The following DPY19L1 variants were observed in gnomAD, a reference collection of about 807,000 sequenced individuals.
DPY19L1 encodes the protein protein C-mannosyl-transferase DPY19L1.
In DPY19L1, 35 loss-of-function variants were observed where a neutral mutation model predicts 96.9. That is an observed-to-expected ratio of 0.36 (90% confidence interval 0.28 to 0.48). The LOEUF is 0.48. Among genes scored for constraint, DPY19L1 ranks in the 20% least tolerant of loss-of-function variants. The pLI is 0.99. For missense variants in DPY19L1, 521 were observed against 777.9 expected, an observed-to-expected ratio of 0.67 and a Z score of 3.93; for synonymous variants, 205 against 252.6, an observed-to-expected ratio of 0.81 and a Z score of 1.79.
intron 6 of DPY19L1, among the ~76,000 whole-genome samples, chr7:35,009,836 G>A (rs952870045): frequency 3.3e-5 from 5 of 151,936 alleles, no homozygotes; most frequent in African/African-American, 4.8e-5. Context: ...ACGTATACAC[G>A]TACATACAGC....
intron 21 of DPY19L1, among the ~76,000 whole-genome samples, chr7:34,936,225 T>C (rs1449713515): frequency 6.6e-6 from 1 of 152,056 alleles, no homozygotes; most frequent in African/African-American, 2.4e-5. Flanking sequence ...GAATTTGCCT[T>C]CATATCCCTT....
intron 6 of DPY19L1, among the ~76,000 whole-genome samples, chr7:35,000,059 C>T (rs13311593): frequency 6.6e-6 from 1 of 152,134 alleles, no homozygotes; most frequent in Non-Finnish European, 1.5e-5. Context: ...CATGTATATA[C>T]AAAGCAGTGA....
chr7:34,959,878 T>G (rs1784455431), intron 10 of DPY19L1, among the ~76,000 whole-genome samples: 1 of 140,642 alleles, frequency 7.1e-6, no homozygotes, highest in South Asian at 2.2e-4. Flanking sequence ...TATTTTAATA[T>G]ATATGTTTAT....
At chr7:34,937,115 C>A (rs1584197582) in intron 21 of DPY19L1, among the ~76,000 whole-genome samples, 1 of 152,216 alleles carries the variant, frequency 6.6e-6, no homozygotes. Flanking sequence ...TGCCACATTT[C>A]TAGATAGCTT....
In DPY19L1 at chr7:35,002,687, G is replaced by A. The variant is rs192455275; in HGVS notation, c.764+7781C>T. Among the ~76,000 whole-genome samples, 515 of 152,296 alleles carry A rather than the reference G, an allele frequency of 3.4e-3. 2 individuals are homozygous for A. The highest frequency in any genetic ancestry group is 0.014 in the Middle Eastern group (4 of 294). ...TACAATCTTCCAGAGAGAGGAAGGG[G>A]AAGCAAAGGTCACATACAAAGGTTT... is the stretch of plus-strand genomic sequence containing the variant. On this transcript the variant is annotated intron_variant, in intron 6 of 21. Transcript: ENST00000638088.
At chr7:34,965,526 AC>A (rs1562809121) in intron 10 of DPY19L1, among the ~76,000 whole-genome samples, 2 of 152,110 alleles carry the variant, frequency 1.3e-5, no homozygotes, top group African/African-American at 4.8e-5. Flanking sequence ...ACCTCTAGGA[AC>A]AGTGAGGGGA....
chr7:34,935,944 G>A (rs1209386132), intron 21 of DPY19L1, among the ~76,000 whole-genome samples: 1 of 152,164 alleles, frequency 6.6e-6, no homozygotes, highest in Non-Finnish European at 1.5e-5. Context: ...TCCTGACAGT[G>A]TGTCATCAGC....
intron 8 of DPY19L1, 109 bp downstream of exon 8, chr7:34,973,405 A>G (rs544031919): frequency 3.6e-6 from 2 of 555,062 alleles, no homozygotes; most frequent in African/African-American, 2.0e-5. Flanking sequence ...TACTAATAAC[A>G]GCATCATATT....
rs914854666 is a variant in DPY19L1 at position 34,938,210 on chromosome 7, C to T, written c.1965-91G>A. ...GAAAGCACTGAATTAGACTAGAAGA[C>T]GATGAAGAAGAATCCAGTCAGGAGG... On this transcript the variant is annotated intron_variant, in intron 20 of 21. Transcript: ENST00000638088. 74 of 1,366,558 alleles carry T rather than the reference C, an allele frequency of 5.4e-5. No individual in the cohort carries two copies. In the Middle Eastern group the frequency reaches 1.0e-3, roughly 19 times the overall value. 84.7% of individuals were successfully genotyped at this position (1,366,558 alleles called of 1,614,324 possible). A position where few individuals can be genotyped will look rare whatever the true frequency, so the allele number is the denominator to read the frequency against.
At position 35,010,371 on chromosome 7, in the gene DPY19L1, C is replaced by A. The variant is rs186543656; in HGVS notation, c.764+97G>T. 806 of 723,154 alleles carry A rather than the reference C, an allele frequency of 1.1e-3. 2 individuals are homozygous for A. The African/African-American group carries it at 0.013, about 12-fold the overall frequency. The allele number at this position is 723,154 out of a possible 1,614,324, so 44.8% of individuals were successfully genotyped here. On this transcript the variant is annotated intron_variant, in intron 6 of 21. Transcript: ENST00000638088. ...ATAATAAGATATTTTAGGATATTTT[C>A]ATAAAACTGAACTATAAATTAATCA... is the stretch of plus-strand genomic sequence containing the variant.
At position 34,939,286 on chromosome 7, in the gene DPY19L1, C is replaced by T. The variant is rs767729568; in HGVS notation, c.1954G>A (p.Ala652Thr). 20 of 1,612,934 alleles carry T rather than the reference C, an allele frequency of 1.2e-5. No individual in the cohort carries two copies. The highest frequency in any genetic ancestry group is 2.2e-5 in the South Asian group (2 of 90,940). Residue 652 changes from alanine to threonine, a missense_variant, in exon 20 of 22, where the codon GCA becomes ACA. Coordinates refer to ENST00000638088, the MANE Select transcript of DPY19L1 (RefSeq NM_001366673.1). ...PIVNHPHYED[A>T]GLRARTKIVY... The stretch of plus-strand genomic sequence containing the variant: ...AGACTGTGCACTGACCTCAAGCCTG[C>T]GTCTTCATAATGTGGATGATTCACA...
intron 15 of DPY19L1, among the ~76,000 whole-genome samples, chr7:34,947,102 G>A (rs2128783462): frequency 6.6e-6 from 1 of 152,268 alleles, no homozygotes; most frequent in African/African-American, 2.4e-5. Flanking sequence ...AAAAGAGAGG[G>A]AATATCACAC....
chr7:35,018,036 T>A, intron 2 of DPY19L1, 67 bp from the exon 3 acceptor site: 3 of 1,188,364 alleles, frequency 2.5e-6, no homozygotes, highest in Admixed American at 2.5e-5. Context: ...TAAAGTAAGC[T>A]AAAAGCAAAA....
At chr7:34,962,205 T>C (rs1270579686) in intron 10 of DPY19L1, among the ~76,000 whole-genome samples, 1 of 152,164 alleles carries the variant, frequency 6.6e-6, no homozygotes, top group African/African-American at 2.4e-5. Context: ...AGTTATTCAA[T>C]AGGCAAATAA....
At chr7:35,010,872 A>G (rs1785694615) in intron 5 of DPY19L1, among the ~76,000 whole-genome samples, 1 of 152,124 alleles carries the variant, frequency 6.6e-6, no homozygotes, top group Non-Finnish European at 1.5e-5. Context: ...CAGAAGCAAC[A>G]CTATGTGACT....
chr7:34,936,420 G>A (rs1783868884), intron 21 of DPY19L1, among the ~76,000 whole-genome samples: 2 of 152,080 alleles, frequency 1.3e-5, no homozygotes, highest in East Asian at 1.9e-4. Context: ...GGAGAAAAAA[G>A]GTTACGAAAA....
chr7:35,004,906 C>A (rs1015559515), intron 6 of DPY19L1, among the ~76,000 whole-genome samples: 1 of 152,124 alleles, frequency 6.6e-6, no homozygotes, highest in African/African-American at 2.4e-5. Context: ...TGTTCTGTCT[C>A]CCCCAGGATG....
chr7:35,013,803 G>T, intron 3 of DPY19L1, 98 bp from the exon 4 acceptor site: 1 of 880,860 alleles, frequency 1.1e-6, no homozygotes, highest in Non-Finnish European at 1.7e-6. Flanking sequence ...AAGCAATTAA[G>T]TAATAGCTAT....
rs376692922 is a variant in DPY19L1, at chr7:34,958,557, CATCCTTATGTGT to C, written c.1093-499_1093-488del. 1.0e-3 allele frequency among the ~76,000 whole-genome samples: 157 copies of C among 152,298 alleles called. 1 individual carries two copies. Among genetic ancestry groups the C allele is most frequent in the African/African-American group, 3.4e-3 (143 of 41,556 alleles). On this transcript the variant is annotated intron_variant, in intron 10 of 21. Transcript: ENST00000638088. ...CCAATACAAACACTGCTATGATAGA[CATCCTTATGTGT>C]ATACCTTATGTGCATGTCAGTACAT... is the stretch of plus-strand genomic sequence containing the variant.
Sources: gnomAD v4.1 joint callset for allele counts (sites outside exome capture counted in the v4.1 genomes callset) on GRCh38, gnomAD v4.1.1 for gene constraint, MANE v1.5 for transcripts, NCBI Gene and HGNC (gene_info 2026-07-23, HGNC 2026-07-21) for gene names.